Variants in PCDHA12 observed in about 807,000 individuals in gnomAD.
PCDHA12 encodes the protein protocadherin alpha-12.
A neutral mutation model predicts 60.0 loss-of-function variants in PCDHA12; 44 were observed. The ratio of observed to expected loss-of-function variants is 0.73; its 90% CI spans 0.58 to 0.94. The LOEUF is 0.94. PCDHA12 is among the 40% of genes least tolerant of loss of function. PCDHA12 has a pLI of 0.00. For missense variants in PCDHA12, 1,276 were observed against 1,239.7 expected (o/e 1.03, Z -0.44); for synonymous variants, 569 against 553.0 (o/e 1.03, Z -0.40).
At chr5:140,977,461 G>A (rs1554238575) in intron 1 of PCDHA12, among the ~76,000 whole-genome samples, 1 of 152,120 alleles carries the variant, frequency 6.6e-6, no homozygotes, top group African/African-American at 2.4e-5. Context: ...CTTTGATTTG[G>A]TCTGTAGATA....
At chr5:140,950,127 GAC>G (rs1554219301) in intron 1 of PCDHA12, among the ~76,000 whole-genome samples, 2 of 151,794 alleles carry the variant, frequency 1.3e-5, no homozygotes, top group Non-Finnish European at 2.9e-5. Context: ...AAACCCACAA[GAC>G]ACAGTTATAA....
chr5:140,973,653 A>G (rs2096597249), intron 1 of PCDHA12, among the ~76,000 whole-genome samples: 1 of 152,202 alleles, frequency 6.6e-6, no homozygotes, highest in African/African-American at 2.4e-5. Context: ...TGAAGAAGAA[A>G]TCTATTTATT....
At chr5:140,947,998 T>C (rs2094201986) in intron 1 of PCDHA12, among the ~76,000 whole-genome samples, 1 of 122,112 alleles carries the variant, frequency 8.2e-6, no homozygotes, top group Admixed American at 8.2e-5. Flanking sequence ...AAATACTTTA[T>C]TAAATTTAGG....
chr5:140,952,444 A>C (rs2094747203), intron 1 of PCDHA12, among the ~76,000 whole-genome samples: 2 of 152,178 alleles, frequency 1.3e-5, no homozygotes. Flanking sequence ...GGCATAATAC[A>C]GCCAGGCTCT....
chr5:140,954,842 T>C (rs1483926115), intron 1 of PCDHA12, among the ~76,000 whole-genome samples: 1 of 152,252 alleles, frequency 6.6e-6, no homozygotes, highest in Non-Finnish European at 1.5e-5. Flanking sequence ...ATGAAATCTT[T>C]GCCTGTGCCT....
intron 1 of PCDHA12, among the ~76,000 whole-genome samples, chr5:140,924,889 T>C (rs1554202242): frequency 8.9e-6 from 1 of 112,122 alleles, no homozygotes; most frequent in Non-Finnish European, 1.8e-5. Flanking sequence ...AGCAAGAACC[T>C]GTCTCAAAAA....
At chr5:140,955,296 G>A (rs1554221862) in intron 1 of PCDHA12, among the ~76,000 whole-genome samples, 1 of 151,904 alleles carries the variant, frequency 6.6e-6, no homozygotes, top group Admixed American at 6.6e-5. Context: ...GTTTGGCTGT[G>A]TCCCCACCCA....
At chr5:140,968,396 G>A (rs1181874720) in intron 1 of PCDHA12, 1 of 1,613,890 alleles carries the variant, frequency 6.2e-7, no homozygotes, top group Non-Finnish European at 8.5e-7. Flanking sequence ...GAAGTTTCGG[G>A]AGTTCTTTGT....
Position 140,876,851 on chromosome 5 carries a change from A to G in PCDHA12, c.1379A>G (p.Tyr460Cys), listed in dbSNP as rs1554169034. The part of the protein sequence containing the change: ...DNAPAFAQPE[Y>C]TVFVKENNPP... ...GCGCCTGCGTTCGCGCAGCCCGAGT[A>G]CACAGTGTTCGTGAAGGAGAACAAC... The change falls in exon 1 of 4, where the codon TAC (tyrosine) becomes TGC (cysteine). Residue 460 changes from tyrosine (Y) to cysteine (C), a missense_variant. By Grantham distance (194) the Tyr-to-Cys change is radical. Coordinates refer to ENST00000398631, the MANE Select transcript of PCDHA12 (RefSeq NM_018903.4). The G allele has an allele frequency of 5.0e-6, 8 of 1,613,986 alleles. No individual in the cohort carries two copies. In the Admixed American group the frequency reaches 1.3e-4, roughly 27 times the overall value.
At chr5:140,927,059 G>T (rs2153586396) in intron 1 of PCDHA12, 1 of 1,611,324 alleles carries the variant, frequency 6.2e-7, no homozygotes, top group Middle Eastern at 1.7e-4. Flanking sequence ...CGGAACTTTC[G>T]CTTCCTTTCC....
chr5:140,954,316 C>T (rs1406547197), intron 1 of PCDHA12, among the ~76,000 whole-genome samples: 6 of 152,140 alleles, frequency 3.9e-5, no homozygotes, highest in South Asian at 4.1e-4. Context: ...GGGATTGCTG[C>T]GTCAAATGGT....
At chr5:140,996,755 C>T (rs1335663800) in intron 3 of PCDHA12, among the ~76,000 whole-genome samples, 2 of 152,142 alleles carry the variant, frequency 1.3e-5, no homozygotes, top group Non-Finnish European at 2.9e-5. Context: ...TATATCTGTG[C>T]AGGACTAAAA....
At chr5:140,936,347 G>A (rs2090928614) in intron 1 of PCDHA12, among the ~76,000 whole-genome samples, 1 of 152,066 alleles carries the variant, frequency 6.6e-6, no homozygotes, top group South Asian at 2.1e-4. Flanking sequence ...CTGCATATAT[G>A]GAATGTGTAG....
chr5:140,919,607 A>T (rs1357882512), intron 1 of PCDHA12, among the ~76,000 whole-genome samples: 1 of 152,158 alleles, frequency 6.6e-6, no homozygotes. Context: ...ATAAATTTTA[A>T]ACTGTATCTT....
In PCDHA12 at chr5:141,010,504, A is replaced by C; in HGVS notation, c.*567A>C. On this transcript the variant is annotated 3_prime_UTR_variant, in exon 4 of 4. Transcript: ENST00000398631. ...AACTTAAAGGGACCAGACTTTCTAA[A>C]TCTTACAACTCAAGAGGTGGCAGCC... is the stretch of plus-strand genomic sequence containing the variant. 1.8e-6 allele frequency: 1 copy of C among 549,734 alleles called. No homozygotes were observed. Among genetic ancestry groups the C allele is most frequent in the Non-Finnish European group, 2.9e-6 (1 of 344,512 alleles). The allele number at this position is 549,734 out of a possible 1,614,324, so 34.1% of individuals were successfully genotyped here.
chr5:140,988,751 T>C (rs1433769306), intron 3 of PCDHA12, among the ~76,000 whole-genome samples: 2 of 152,198 alleles, frequency 1.3e-5, no homozygotes, highest in Non-Finnish European at 2.9e-5. Flanking sequence ...ATTGGTGGCC[T>C]GGGCAGAATA....
chr5:140,890,739 C>T (rs1202760840), intron 1 of PCDHA12, among the ~76,000 whole-genome samples: 1 of 152,112 alleles, frequency 6.6e-6, no homozygotes, highest in Non-Finnish European at 1.5e-5. Flanking sequence ...GACTTATATA[C>T]TATTTCTGTC....
At chr5:140,928,671 T>C in intron 1 of PCDHA12, 7 of 1,614,214 alleles carry the variant, frequency 4.3e-6, no homozygotes, top group Non-Finnish European at 5.9e-6. Context: ...GTGGTTCTAA[T>C]GCCTGGCTTT....
intron 1 of PCDHA12, among the ~76,000 whole-genome samples, chr5:140,916,791 G>A (rs1159820496): frequency 6.6e-6 from 1 of 152,128 alleles, no homozygotes; most frequent in Admixed American, 6.5e-5. Flanking sequence ...AGCTGCCCCA[G>A]CTGATGACTT....
Sources: gnomAD v4.1 joint callset for allele counts (sites outside exome capture counted in the v4.1 genomes callset) on GRCh38, gnomAD v4.1.1 for gene constraint, MANE v1.5 for transcripts, NCBI Gene and HGNC (gene_info 2026-07-23, HGNC 2026-07-21) for gene names.